NT5DC3: variants seen among roughly 807,000 people sequenced by gnomAD.
The protein encoded by NT5DC3 is 5'-nucleotidase domain containing 3, also known as 5'-nucleotidase domain-containing protein 3.
A neutral mutation model predicts 67.8 loss-of-function variants in NT5DC3; 42 were observed. That is an observed-to-expected ratio of 0.62 (90% CI 0.48 to 0.80). NT5DC3 has a LOEUF of 0.80. Ranked by LOEUF, NT5DC3 falls within the 30% of genes least tolerant of loss-of-function variation. The pLI, the probability that NT5DC3 is intolerant of heterozygous loss-of-function variation, is 0.00. For missense variants in NT5DC3, 570 were observed against 696.4 expected (o/e 0.82, Z 2.04); for synonymous variants, 237 against 255.6 (o/e 0.93, Z 0.69).
the NT5DC3 span, among the ~76,000 whole-genome samples, chr12:103,761,759 A>G: frequency 1.3e-5 from 2 of 152,160 alleles, no homozygotes; most frequent in Non-Finnish European, 2.9e-5. Flanking sequence ...TCATCTGCAA[A>G]ATGGGGCTCA....
chr12:103,793,230 C>CA lies in NT5DC3; in HGVS notation c.952dup (p.Trp318LeufsTer13). ...AATGACCACATCGAACAGGTCCCTC[C>CA]AGTCTTTCCCAACGATATAACTCAT... is the stretch of plus-strand genomic sequence containing the variant. On this transcript the variant is annotated frameshift_variant, in exon 9 of 14. Coordinates refer to ENST00000392876, the MANE Select transcript of NT5DC3 (RefSeq NM_001031701.3). LOFTEE classifies it high-confidence loss of function. The CA allele has an allele frequency of 1.2e-6, 2 of 1,610,552 alleles. No individual in the cohort carries two copies. The highest frequency in any genetic ancestry group is 2.7e-5 in the African/African-American group (2 of 74,760).
At chr12:103,794,097 A>C (rs2139344517) in intron 6 of NT5DC3, 100 bp from the exon 7 acceptor site, 1 of 893,928 alleles carries the variant, frequency 1.1e-6, no homozygotes, top group East Asian at 2.4e-5. Flanking sequence ...GTCCCTAGAA[A>C]GTCTGACAAT....
intron 9 of NT5DC3, among the ~76,000 whole-genome samples, chr12:103,792,115 C>T (rs1886093841): frequency 6.6e-6 from 1 of 152,184 alleles, no homozygotes; most frequent in African/African-American, 2.4e-5. Context: ...TGCGGCTCTC[C>T]CATGTAGGAA....
chr12:103,800,475 C>G (rs1280472690), intron 4 of NT5DC3, among the ~76,000 whole-genome samples: 1 of 152,240 alleles, frequency 6.6e-6, no homozygotes, highest in African/African-American at 2.4e-5. Flanking sequence ...TCAAGTGATT[C>G]AGCCGGGTCA....
intron 7 of NT5DC3, among the ~76,000 whole-genome samples, 192 bp from the exon 8 acceptor site, chr12:103,793,704 G>A (rs367746618): frequency 3.9e-5 from 6 of 152,120 alleles, no homozygotes; most frequent in African/African-American, 1.4e-4. Flanking sequence ...CTGCCTCCTC[G>A]GTCTAAGTGG....
intron 4 of NT5DC3, among the ~76,000 whole-genome samples, chr12:103,804,175 C>T (rs974942216): frequency 6.6e-6 from 1 of 152,196 alleles, no homozygotes; most frequent in Admixed American, 6.5e-5. Flanking sequence ...ATCACCACCA[C>T]CTCCTCTCCA....
chr12:103,804,966 A>G (rs1283213219), intron 4 of NT5DC3, among the ~76,000 whole-genome samples: 1 of 151,862 alleles, frequency 6.6e-6, no homozygotes, highest in Non-Finnish European at 1.5e-5. Flanking sequence ...CAGGAGAATC[A>G]CTTGAACCTG....
At chr12:103,795,569 T>C (rs1208721413) in intron 6 of NT5DC3, among the ~76,000 whole-genome samples, 1 of 152,182 alleles carries the variant, frequency 6.6e-6, no homozygotes, top group Non-Finnish European at 1.5e-5. Context: ...TTATCCTCTA[T>C]CTTCCTAAAA....
the NT5DC3 span, chr12:103,761,496 CCT>C: frequency 1.7e-5 from 20 of 1,203,328 alleles, no homozygotes; most frequent in East Asian, 4.7e-4. Flanking sequence ...GAAGCCCTGT[CCT>C]CCTCCCTCTT....
At chr12:103,785,067 C>T (rs1414418934) in intron 12 of NT5DC3, among the ~76,000 whole-genome samples, 1 of 152,116 alleles carries the variant, frequency 6.6e-6, no homozygotes, top group Non-Finnish European at 1.5e-5. Flanking sequence ...TTCCTGAATC[C>T]CAGCATCCCA....
chr12:103,786,065 T>G (rs1885757901), intron 11 of NT5DC3, among the ~76,000 whole-genome samples: 1 of 152,170 alleles, frequency 6.6e-6, no homozygotes, highest in South Asian at 2.1e-4. Flanking sequence ...TTGGCAAATA[T>G]TTATCAAGCA....
At chr12:103,824,477 T>C (rs1192653133) in intron 1 of NT5DC3, among the ~76,000 whole-genome samples, 1 of 152,222 alleles carries the variant, frequency 6.6e-6, no homozygotes, top group East Asian at 1.9e-4. Context: ...TTCTGGGACC[T>C]GCCCCTCCAG....
intron 1 of NT5DC3, among the ~76,000 whole-genome samples, chr12:103,820,364 G>A (rs1887442152): frequency 6.6e-6 from 1 of 152,052 alleles, no homozygotes; most frequent in Admixed American, 6.5e-5. Context: ...GCTTTTTTAA[G>A]GCCATCACAG....
chr12:103,758,048 C>CCCTTTGAA, the NT5DC3 span: 2 of 1,406,228 alleles, frequency 1.4e-6, no homozygotes, highest in Non-Finnish European at 1.9e-6. Context: ...AAAGGAGCAG[C>CCCTTTGAA]AGGCTGAGTT....
At chr12:103,785,585 G>T in intron 11 of NT5DC3, 110 bp from the exon 12 acceptor site, 1 of 1,094,636 alleles carries the variant, frequency 9.1e-7, no homozygotes, top group Non-Finnish European at 1.4e-6. Context: ...TGATGGTAAT[G>T]GTTAGTTATT....
chr12:103,756,996 AAT>A, the NT5DC3 span, among the ~76,000 whole-genome samples: 776 of 56,282 alleles, frequency 0.014, 5 homozygotes, highest in Middle Eastern at 0.04. Context: ...AAGGAGGGAA[AAT>A]ATATATATAT....
chr12:103,755,764 C>A, the NT5DC3 span: 120 of 1,597,552 alleles, frequency 7.5e-5, no homozygotes, highest in African/African-American at 1.1e-3. Flanking sequence ...GGAGGGGTTG[C>A]CTCAAAGCAG....
intron 1 of NT5DC3, among the ~76,000 whole-genome samples, chr12:103,837,714 A>T (rs1357770248): frequency 1.3e-5 from 2 of 152,214 alleles, no homozygotes; most frequent in Non-Finnish European, 2.9e-5. Flanking sequence ...CCTCACCTAC[A>T]TCTGAGACTA....
rs2139421184 is a variant in NT5DC3, at chr12:103,815,035, A to G, written c.295T>C (p.Tyr99His). 1 of 1,613,706 alleles carries G rather than the reference A, an allele frequency of 6.2e-7. No homozygotes were observed. The highest frequency in any genetic ancestry group is 2.2e-5 in the East Asian group (1 of 44,874). ...NEMSLSDIEI[Y>H]GFDYDYTLVF... ...AAGGTGTAATCATAATCGAAGCCAT[A>G]GATTTCAATGTCTGACAGGCTCATT... The change falls in exon 2 of 14, where the codon TAT becomes CAT. Residue 99 changes from tyrosine to histidine, a missense_variant. Physicochemically the swap from Tyr to His is moderately conservative, Grantham distance 83 (BLOSUM62 2). Around this residue, in one of 2 missense-constraint regions of NT5DC3, gnomAD observed 466 missense variants for 608.0 expected, o/e 0.77. Coordinates refer to ENST00000392876, the MANE Select transcript of NT5DC3 (RefSeq NM_001031701.3).
Sources: gnomAD v4.1 joint callset for allele counts (sites outside exome capture counted in the v4.1 genomes callset) on GRCh38, gnomAD v4.1.1 for gene constraint, gnomAD v4.1.1 regional missense constraint, MANE v1.5 for transcripts, NCBI Gene and HGNC (gene_info 2026-07-23, HGNC 2026-07-21) for gene names.